GPC5: variants seen among roughly 807,000 people sequenced by gnomAD.
GPC5 encodes glypican-5.
A neutral mutation model predicts 53.9 loss-of-function variants in GPC5; 47 were observed. That is an observed-to-expected ratio of 0.87 (90% CI 0.69 to 1.11). The LOEUF (loss-of-function observed/expected upper bound fraction) is 1.11. Among genes scored for constraint, GPC5 ranks in the 50% most tolerant of loss-of-function variants. The probability of loss-of-function intolerance (pLI) is 0.00; values close to 1 mark genes in which losing one functional copy is unlikely to be tolerated. For missense variants in GPC5, 748 were observed against 713.1 expected (o/e 1.05, Z -0.56); for synonymous variants, 286 against 263.3 (o/e 1.09, Z -0.84).
intron 7 of GPC5, among the ~76,000 whole-genome samples, chr13:92,334,411 G>T (rs9589507): frequency 0.3 from 44,907 of 151,990 alleles, 6,841 homozygotes; most frequent in South Asian, 0.41. Flanking sequence ...ATGACACATG[G>T]GGATTAAGGG....
intron 6 of GPC5, among the ~76,000 whole-genome samples, chr13:91,973,376 T>G (rs548199773): frequency 6.6e-6 from 1 of 152,324 alleles, no homozygotes; most frequent in African/African-American, 2.4e-5. Context: ...GTCTAATTAT[T>G]TTTCAAAGTT....
chr13:92,798,697 A>T (rs886670037), intron 7 of GPC5, among the ~76,000 whole-genome samples: 3 of 151,796 alleles, frequency 2.0e-5, no homozygotes, highest in Admixed American at 2.0e-4. Context: ...ATCTTTACAA[A>T]CTAAAGCCTC....
chr13:91,521,660 T>A (rs975968450), intron 2 of GPC5, among the ~76,000 whole-genome samples: 2 of 152,234 alleles, frequency 1.3e-5, no homozygotes, highest in African/African-American at 4.8e-5. Context: ...AGAAGAATTC[T>A]GCGATGAAAT....
chr13:92,188,370 A>G (rs1445009140), intron 7 of GPC5, among the ~76,000 whole-genome samples: 1 of 152,180 alleles, frequency 6.6e-6, no homozygotes, highest in East Asian at 1.9e-4. Context: ...AAGCACAAGC[A>G]CTCAATTAAT....
In GPC5 at chr13:91,739,739, A is replaced by G. The variant is rs1432238635; in HGVS notation, c.1154+11074A>G. ...AGCAAGGCAGAGGCTGCCGTCTTAT[A>G]TGAGCTGGACTCAGAAATCACATAC... On this transcript the variant is annotated intron_variant, in intron 4 of 7. Transcript: ENST00000377067. Among the ~76,000 whole-genome samples the G allele has an allele frequency of 3.3e-5, 5 of 151,414 alleles. 1 individual carries two copies. Among genetic ancestry groups the G allele is most frequent in the East Asian group, 1.9e-4 (1 of 5,184 alleles).
chr13:92,848,730 A>G (rs1878690744), intron 7 of GPC5, among the ~76,000 whole-genome samples: 1 of 152,170 alleles, frequency 6.6e-6, no homozygotes. Flanking sequence ...CACAGCATTT[A>G]TAATTGGAAA....
chr13:92,414,111 G>A (rs1013477470), intron 7 of GPC5, among the ~76,000 whole-genome samples: 14 of 152,048 alleles, frequency 9.2e-5, no homozygotes, highest in East Asian at 5.8e-4. Context: ...TTTGCTAGTC[G>A]GAGAATGCAG....
chr13:91,705,839 A>G (rs1412581364), intron 3 of GPC5, among the ~76,000 whole-genome samples: 2 of 151,412 alleles, frequency 1.3e-5, no homozygotes, highest in Admixed American at 6.6e-5. Flanking sequence ...TCCTTGAGCC[A>G]TCTCTAGTTA....
intron 5 of GPC5, among the ~76,000 whole-genome samples, chr13:91,904,147 T>TC: frequency 6.9e-6 from 1 of 145,906 alleles, no homozygotes; most frequent in African/African-American, 2.5e-5. Context: ...TTTCTTTTTT[T>TC]TTTTTTTTTT....
rs562836344 is a variant in GPC5, at chr13:92,029,885, C to A, written c.1402-114945C>A. Among the ~76,000 whole-genome samples the A allele has an allele frequency of 2.0e-5, 3 of 152,208 alleles. No homozygotes were observed. The East Asian group carries it at 5.8e-4, about 29-fold the overall frequency. Reference sequence around the variant, plus strand: ...TCACATTAAATATCAAATGTGACAGCCTCAGACACCCTAATACAGCCTACA... The same window carrying A: ...TCACATTAAATATCAAATGTGACAGACTCAGACACCCTAATACAGCCTACA... On this transcript the variant is annotated intron_variant, in intron 6 of 7. Coordinates refer to ENST00000377067, the MANE Select transcript of GPC5 (RefSeq NM_004466.6).
intron 3 of GPC5, among the ~76,000 whole-genome samples, chr13:91,708,249 C>G (rs113443166): frequency 0.012 from 1,847 of 152,098 alleles, 32 homozygotes; most frequent in African/African-American, 0.041. Flanking sequence ...TTTCTGATTG[C>G]TTAAGTTTAC....
intron 7 of GPC5, among the ~76,000 whole-genome samples, chr13:92,835,707 C>T (rs192704146): frequency 1.8e-4 from 27 of 151,954 alleles, no homozygotes; most frequent in Admixed American, 1.4e-3. Context: ...GAAATATTTT[C>T]TAACTGATTC....
At chr13:91,860,115 T>C (rs991892176) in intron 5 of GPC5, among the ~76,000 whole-genome samples, 1 of 152,152 alleles carries the variant, frequency 6.6e-6, no homozygotes, top group Admixed American at 6.6e-5. Context: ...ATATAATATA[T>C]TATTGTTAAC....
chr13:92,238,464 A>AT (rs2042586202), intron 7 of GPC5, among the ~76,000 whole-genome samples: 1 of 152,016 alleles, frequency 6.6e-6, no homozygotes, highest in African/African-American at 2.4e-5. Context: ...AGTGATGTTA[A>AT]TTGTTCATGT....
At position 92,385,441 on chromosome 13, in the gene GPC5, TATAC is replaced by T. The variant is rs765042262; in HGVS notation, c.1561+240456_1561+240459del. ...ATATACATATATACATATATACATA[TATAC>T]ATATATACATATATACACATATATA... On this transcript the variant is annotated intron_variant, in intron 7 of 7. Transcript: ENST00000377067. Among the ~76,000 whole-genome samples the T allele has an allele frequency of 1.4e-3, 156 of 110,018 alleles. 12 individuals are homozygous for T. The highest frequency in any genetic ancestry group is 7.9e-3 in the East Asian group (30 of 3,776). 72.2% of individuals were successfully genotyped at this position (110,018 alleles called of 152,430 possible).
chr13:92,459,708 G>A (rs775459393), intron 7 of GPC5, among the ~76,000 whole-genome samples: 22 of 152,040 alleles, frequency 1.4e-4, no homozygotes, highest in African/African-American at 5.3e-4. Context: ...TGTATGTTTT[G>A]TTAGTCCTGA....
intron 7 of GPC5, among the ~76,000 whole-genome samples, chr13:92,189,867 G>A (rs919732500): frequency 1.3e-5 from 2 of 152,114 alleles, no homozygotes; most frequent in Admixed American, 6.6e-5. Flanking sequence ...GAATCTATGA[G>A]CTTGAAGATT....
chr13:91,817,539 A>G (rs1335506618), intron 5 of GPC5, among the ~76,000 whole-genome samples: 1 of 152,164 alleles, frequency 6.6e-6, no homozygotes, highest in African/African-American at 2.4e-5. Flanking sequence ...CCATGATACC[A>G]GTTTTTGGAA....
chr13:91,982,452 A>G (rs537214282), intron 6 of GPC5, among the ~76,000 whole-genome samples: 2 of 152,284 alleles, frequency 1.3e-5, no homozygotes, highest in Admixed American at 1.3e-4. Context: ...GTATAATGAA[A>G]CAAAATAATA....
Sources: allele counts gnomAD v4.1 joint callset (sites outside exome capture counted in the v4.1 genomes callset), GRCh38; gene constraint gnomAD v4.1.1; transcripts MANE v1.5; gene names NCBI Gene and HGNC (gene_info 2026-07-23, HGNC 2026-07-21).